The following ACACB variants were observed in gnomAD, a reference collection of about 807,000 sequenced individuals.
The protein encoded by ACACB is acetyl-CoA carboxylase 2.
Under a neutral mutation model 278.8 loss-of-function variants are expected in ACACB, and 209 were observed. The ratio of observed to expected loss-of-function variants is 0.75; its 90% CI spans 0.67 to 0.84. The LOEUF is 0.84. Among genes scored for constraint, ACACB ranks in the 40% least tolerant of loss-of-function variants. The probability of loss-of-function intolerance (pLI) is 0.00; values close to 1 mark genes in which losing one functional copy is unlikely to be tolerated. For synonymous variants in ACACB, 1,174 were observed against 1,285.6 expected (o/e 0.91, Z 1.86); for missense variants, 2,850 against 3,269.0 (o/e 0.87, Z 3.13).
In ACACB at chr12:109,179,240, C is replaced by G; in HGVS notation, c.1590C>G (p.Ile530Met). 1 of 1,614,022 alleles carries G rather than the reference C, an allele frequency of 6.2e-7. No individual in the cohort carries two copies. The highest frequency in any genetic ancestry group is 8.5e-7 in the Non-Finnish European group (1 of 1,180,030). ...CCATCCAGCGGCGGCATCAGAAGAT[C>G]GTTGAGGAAGCACCGGCCACCATCG... ...DCSIQRRHQK[I>M]VEEAPATIAP... Residue 530 changes from isoleucine (I) to methionine (M), a missense_variant, in exon 10 of 53, where the codon ATC becomes ATG. Coordinates refer to ENST00000338432, the MANE Select transcript of ACACB (RefSeq NM_001093.4).
rs946165056 is a variant in ACACB at position 109,242,531 on chromosome 12, G to A, written c.5117G>A (p.Arg1706Gln). The stretch of plus-strand genomic sequence containing the variant: ...ACCAAGGATCTGCTCCAGGCCAAGC[G>A]ATTCCAGGCCCAGACCCTGGGAACC... ...YVTKDLLQAK[R>Q]FQAQTLGTTY... The change falls in exon 37 of 53, where the codon CGA (arginine) becomes CAA (glutamine). Residue 1706 changes from arginine to glutamine, a missense_variant. This residue lies in a region of ACACB where 2,265 missense variants were observed against 2,561.3 expected (regional missense o/e 0.88). Transcript: ENST00000338432. The A allele has an allele frequency of 6.8e-6, 11 of 1,614,042 alleles. No individual in the cohort carries two copies. The highest frequency in any genetic ancestry group is 2.7e-5 in the African/African-American group (2 of 74,920).
At chr12:109,265,932 C>T (rs557133468) in intron 52 of ACACB, among the ~76,000 whole-genome samples, 2 of 152,224 alleles carry the variant, frequency 1.3e-5, no homozygotes, top group Non-Finnish European at 2.9e-5. Flanking sequence ...GGGGTCACCC[C>T]GTGAAGGAGG....
Position 109,188,085 on chromosome 12 carries a change from T to C in ACACB, c.2067T>C (p.Thr689=), listed in dbSNP as rs377325145. Reference sequence around the variant, plus strand: ...GGGGTTACTTCAGCGTGGCCGCTACTGGAGGCCTGCACGAGTTTGCGGATT... The same window carrying C: ...GGGGTTACTTCAGCGTGGCCGCTACCGGAGGCCTGCACGAGTTTGCGGATT... ...NVWGYFSVAA[T]GGLHEFADSQ... is the part of the protein sequence containing the mutation. The change falls in exon 13 of 53, where the codon ACT becomes ACC. Residue 689 remains threonine (T), a synonymous_variant. Transcript: ENST00000338432. 6.8e-6 allele frequency: 11 copies of C among 1,613,720 alleles called. No homozygotes were observed. In the African/African-American group the frequency reaches 1.2e-4, roughly 18 times the overall value.
chr12:109,189,456 G>A (rs1446750867), intron 13 of ACACB, among the ~76,000 whole-genome samples: 2 of 152,138 alleles, frequency 1.3e-5, no homozygotes, highest in Admixed American at 6.5e-5. Flanking sequence ...CACATGCTAC[G>A]AGTGGACCAA....
At chr12:109,210,219 ACATGTGTGTATATG>A (rs2045727642) in intron 21 of ACACB, among the ~76,000 whole-genome samples, 1 of 50,640 alleles carries the variant, frequency 2.0e-5, no homozygotes, top group African/African-American at 1.7e-4. Flanking sequence ...ATATATACAC[ACATGTGTGTATATG>A]TATATATGTA....
intron 18 of ACACB, among the ~76,000 whole-genome samples, chr12:109,200,323 A>G (rs1298889594): frequency 6.6e-6 from 1 of 151,838 alleles, no homozygotes; most frequent in African/African-American, 2.4e-5. Context: ...AGTTGGGATT[A>G]CAGGCACGCA....
chr12:109,246,592 C>G, intron 39 of ACACB, 144 bp downstream of exon 39: 4 of 976,924 alleles, frequency 4.1e-6, no homozygotes, highest in Non-Finnish European at 6.0e-6. Flanking sequence ...AACAGGCATA[C>G]AGTGTATCAG....
intron 1 of ACACB, among the ~76,000 whole-genome samples, 152 bp downstream of exon 1, chr12:109,116,856 A>G (rs867426483): frequency 6.6e-6 from 1 of 152,128 alleles, no homozygotes; most frequent in Non-Finnish European, 1.5e-5. Context: ...GAAGGAAGCT[A>G]ATCAGAAGAG....
At chr12:109,135,103 A>G (rs1382611534) in intron 1 of ACACB, among the ~76,000 whole-genome samples, 1 of 152,146 alleles carries the variant, frequency 6.6e-6, no homozygotes, top group Non-Finnish European at 1.5e-5. Flanking sequence ...TTTTTTCCAC[A>G]ACGGCTACAA....
chr12:109,165,251 T>C (rs574642688), intron 2 of ACACB, among the ~76,000 whole-genome samples: 1 of 152,106 alleles, frequency 6.6e-6, no homozygotes, highest in East Asian at 1.9e-4. Context: ...CCCAAAACAA[T>C]GGTGATGTAG....
intron 48 of ACACB, among the ~76,000 whole-genome samples, 172 bp downstream of exon 48, chr12:109,260,829 CA>C (rs1181538706): frequency 6.6e-6 from 1 of 151,968 alleles, no homozygotes; most frequent in African/African-American, 2.4e-5. Flanking sequence ...AGTTTGCAAT[CA>C]AAAAATAAAA....
intron 5 of ACACB, 122 bp downstream of exon 5, chr12:109,172,036 G>A (rs550714815): frequency 2.3e-6 from 2 of 865,976 alleles, no homozygotes; most frequent in East Asian, 5.1e-5. Context: ...CCAAATTCCT[G>A]GGCTGATGTA....
Position 109,139,764 on chromosome 12 carries a change from C to A in ACACB, c.359C>A (p.Thr120Asn). The A allele has an allele frequency of 6.2e-7, 1 of 1,614,240 alleles. No individual in the cohort carries two copies. Among genetic ancestry groups the A allele is most frequent in the African/African-American group, 1.3e-5 (1 of 75,072 alleles). ...TCCCCAGAGCTTCAAGCCAACGGGA[C>A]TGGGACACAAGGTCTGGAGGCCACA... is the stretch of plus-strand genomic sequence containing the variant. ...APSPELQANGTGTQGLEATDT... is the reference protein window; with the variant it reads ...APSPELQANGNGTQGLEATDT... The change falls in exon 2 of 53, where the codon ACT becomes AAT. Residue 120 changes from threonine (T) to asparagine (N), a missense_variant. Physicochemically the swap from Thr to Asn is moderately conservative, Grantham distance 65. Around this residue, in one of 3 missense-constraint regions of ACACB, gnomAD observed 2,265 missense variants for 2,561.3 expected, o/e 0.88. Coordinates refer to ENST00000338432, the MANE Select transcript of ACACB (RefSeq NM_001093.4).
intron 21 of ACACB, among the ~76,000 whole-genome samples, chr12:109,210,259 G>GTATA (rs2045745630): frequency 1.7e-5 from 1 of 59,902 alleles, no homozygotes; most frequent in East Asian, 7.7e-4. Flanking sequence ...ACACACATGT[G>GTATA]TGTATATGTA....
At chr12:109,234,440 G>A (rs1044073880) in intron 31 of ACACB, among the ~76,000 whole-genome samples, 1 of 152,078 alleles carries the variant, frequency 6.6e-6, no homozygotes, top group Non-Finnish European at 1.5e-5. Flanking sequence ...TGCTCTGTAA[G>A]CCTGTGATGC....
intron 11 of ACACB, among the ~76,000 whole-genome samples, chr12:109,182,470 C>T (rs143301691): frequency 1.6e-4 from 24 of 152,302 alleles, no homozygotes; most frequent in African/African-American, 4.6e-4. Flanking sequence ...TGGGCTCAAG[C>T]GATTCTCCCA....
intron 7 of ACACB, 52 bp downstream of exon 7, chr12:109,174,282 A>G (rs1187109588): frequency 7.1e-7 from 1 of 1,412,374 alleles, no homozygotes; most frequent in Admixed American, 1.9e-5. Flanking sequence ...CAGTCTTGAT[A>G]ATGTGAACGG....
chr12:109,228,784 C>T (rs1337148908), intron 28 of ACACB, among the ~76,000 whole-genome samples: 4 of 152,064 alleles, frequency 2.6e-5, no homozygotes, highest in African/African-American at 9.7e-5. Context: ...CAATGCCACC[C>T]AAGCCATTGG....
chr12:109,227,193 T>C (rs1168566303), intron 27 of ACACB, among the ~76,000 whole-genome samples, 178 bp from the exon 28 acceptor site: 1 of 152,134 alleles, frequency 6.6e-6, no homozygotes, highest in Non-Finnish European at 1.5e-5. Context: ...TCGAGTGACC[T>C]ACCTGCCCTG....
Sources: gnomAD v4.1 joint callset for allele counts (sites outside exome capture counted in the v4.1 genomes callset) on GRCh38, gnomAD v4.1.1 for gene constraint, gnomAD v4.1.1 regional missense constraint, MANE v1.5 for transcripts, NCBI Gene and HGNC (gene_info 2026-07-23, HGNC 2026-07-21) for gene names.